AGAP3: variants seen among roughly 807,000 people sequenced by gnomAD.
AGAP3 encodes the protein ArfGAP with GTPase domain, ankyrin repeat and PH domain 3, also known as arf-GAP with GTPase, ANK repeat and PH domain-containing protein 3.
In AGAP3, 24 loss-of-function variants were observed where a neutral mutation model predicts 96.9. The ratio of observed to expected loss-of-function variants is 0.25; its 90% CI spans 0.18 to 0.35. The LOEUF (loss-of-function observed/expected upper bound fraction) is 0.35. Among genes scored for constraint, AGAP3 ranks in the 10% least tolerant of loss-of-function variants. AGAP3 has a pLI of 1.00. For synonymous variants in AGAP3, 563 were observed against 536.1 expected (o/e 1.05, Z -0.69); for missense variants, 876 against 1,254.2 (o/e 0.70, Z 4.55).
chr7:151,142,632 C>T lies in AGAP3; in HGVS notation c.2271C>T (p.Cys757=). 1 of 1,611,730 alleles carries T rather than the reference C, an allele frequency of 6.2e-7. No homozygotes were observed. Among genetic ancestry groups the T allele is most frequent in the Non-Finnish European group, 8.5e-7 (1 of 1,179,808 alleles). Residue 757 remains cysteine, a splice_region_variant and synonymous_variant, in exon 16 of 18, where the codon TGC becomes TGT. Transcript: ENST00000397238. This position sits in a 1 kb window ranked among gnomAD's most constrained non-coding sequence, Gnocchi z 7.5. ...ACTCCAAGCCAGGGCCTGATGCCTG[C>T]AGGTGAGCAGATGGTGCCCTGGAGC... is the stretch of plus-strand genomic sequence containing the variant. ...GGYSKPGPDA[C]REEKERWIRA... is the part of the protein sequence containing the mutation.
Position 151,140,408 on chromosome 7 carries a change from G to A in AGAP3, c.1804+292G>A. The A allele has an allele frequency of 4.4e-6, 1 of 228,986 alleles. No homozygotes were observed. Among genetic ancestry groups the A allele is most frequent in the East Asian group, 9.9e-5 (1 of 10,064 alleles). 14.2% of individuals were successfully genotyped at this position (228,986 alleles called of 1,614,324 possible). A position where few individuals can be genotyped will look rare whatever the true frequency, so the allele number is the denominator to read the frequency against. On this transcript the variant is annotated intron_variant, in intron 13 of 17. Coordinates refer to ENST00000397238, the MANE Select transcript of AGAP3 (RefSeq NM_031946.7). The surrounding 1 kb of genome is among the most constrained non-coding windows in gnomAD (Gnocchi z 5.4). ...TCAATAGCTCCTCTAAGATGTTCGG[G>A]CAGGACCTGTGTTTTCTGTCTCTTG...
At position 151,139,084 on chromosome 7, in the gene AGAP3, C is replaced by T. The variant is rs977015550; in HGVS notation, c.1666+771C>T. Reference sequence around the variant, plus strand: ...AGGGCATGGAGCCAGCTCTCCTCTCCTGTCCCTTGCGCTTTCCATGCCCTT... The same window carrying T: ...AGGGCATGGAGCCAGCTCTCCTCTCTTGTCCCTTGCGCTTTCCATGCCCTT... On this transcript the variant is annotated intron_variant, in intron 12 of 17. Transcript: ENST00000397238. This position sits in a 1 kb window ranked among gnomAD's most constrained non-coding sequence, Gnocchi z 4.9. Among the ~76,000 whole-genome samples the T allele has an allele frequency of 2.0e-5, 3 of 152,366 alleles. No individual in the cohort carries two copies. Among genetic ancestry groups the T allele is most frequent in the Non-Finnish European group, 4.4e-5 (3 of 68,036 alleles).
chr7:151,117,967 TG>T (rs1419359136), intron 5 of AGAP3, 190 bp downstream of exon 5: 2 of 909,750 alleles, frequency 2.2e-6, no homozygotes, highest in Non-Finnish European at 1.6e-6. Context: ...CTGCTGTCCC[TG>T]TGACTAGCAG....
intron 10 of AGAP3, among the ~76,000 whole-genome samples, chr7:151,130,475 C>T (rs1800360118): frequency 6.6e-6 from 1 of 152,176 alleles, no homozygotes. Context: ...AAGAGCACCT[C>T]CCTCTGGGGC....
At chr7:151,125,770 G>A (rs1800132254) in intron 9 of AGAP3, among the ~76,000 whole-genome samples, 2 of 152,236 alleles carry the variant, frequency 1.3e-5, no homozygotes, top group Non-Finnish European at 2.9e-5. Flanking sequence ...TGGGAGTGGA[G>A]ATTGCATTTC....
rs567662088 is a variant in AGAP3, at chr7:151,118,413, G to C, written c.841+69G>C. The C allele has an allele frequency of 4.3e-5, 68 of 1,596,604 alleles. 2 individuals carry two copies. In the South Asian group the frequency reaches 6.7e-4, roughly 16 times the overall value. ...AGTGCTGGCGATAGGAAGGCTCCCA[G>C]TGAGAGCAAGGCTGTGTGTCTGGGG... is the stretch of plus-strand genomic sequence containing the variant. On this transcript the variant is annotated intron_variant, in intron 6 of 17. Transcript: ENST00000397238. The surrounding 1 kb of genome is among the most constrained non-coding windows in gnomAD (Gnocchi z 6.1).
chr7:151,097,517 CAAAA>C (rs67915216), intron 1 of AGAP3, among the ~76,000 whole-genome samples: 2 of 95,670 alleles, frequency 2.1e-5, no homozygotes. Flanking sequence ...GACTCTGTCT[CAAAA>C]AAAAAAAAAA....
In AGAP3 at chr7:151,143,803, G is replaced by A. The variant is rs368589847; in HGVS notation, c.2596G>A (p.Gly866Ser). The change falls in exon 18 of 18, where the codon GGC (glycine) becomes AGC (serine). Residue 866 changes from glycine (G) to serine (S), a missense_variant. By Grantham distance (56) the Gly-to-Ser change is moderately conservative. Coordinates refer to ENST00000397238, the MANE Select transcript of AGAP3 (RefSeq NM_031946.7). This position sits in a 1 kb window ranked among gnomAD's most constrained non-coding sequence, Gnocchi z 5.9. ...TCCACTGGCATATGCTCGCCGGGCCGGCAGCCAGGAGTGTGCAGACATCTT... is the reference window on the plus strand; with the variant it reads ...TCCACTGGCATATGCTCGCCGGGCCAGCAGCCAGGAGTGTGCAGACATCTT... ...LTPLAYARRA[G>S]SQECADILIQ... is the part of the protein sequence containing the mutation. The A allele has an allele frequency of 5.2e-5, 84 of 1,614,002 alleles. No individual in the cohort carries two copies. Among genetic ancestry groups the A allele is most frequent in the Admixed American group, 6.7e-5 (4 of 60,014 alleles).
chr7:151,086,338 G>A (rs1378037965), upstream of AGAP3, among the ~76,000 whole-genome samples: 1 of 143,586 alleles, frequency 7.0e-6, no homozygotes, highest in Non-Finnish European at 1.5e-5. Context: ...AGGGGCGGGG[G>A]CGCCCGGGCC....
rs1798656529 is a variant in AGAP3 at position 151,097,529 on chromosome 7, AAAAAAAG to A, written c.331+10463_331+10469del. Among the ~76,000 whole-genome samples, 7 of 151,796 alleles carry A rather than the reference AAAAAAAG, an allele frequency of 4.6e-5. No homozygotes were observed. In the South Asian group the frequency reaches 1.5e-3, roughly 32 times the overall value. On this transcript the variant is annotated intron_variant, in intron 1 of 17. Transcript: ENST00000397238. The stretch of plus-strand genomic sequence containing the variant: ...TGAGACTCTGTCTCAAAAAAAAAAA[AAAAAAAG>A]AAAAAGAAAAGAGGTTTAATTGGCT...
At chr7:151,098,417 A>T (rs1209205740) in intron 1 of AGAP3, among the ~76,000 whole-genome samples, 1 of 152,126 alleles carries the variant, frequency 6.6e-6, no homozygotes, top group Non-Finnish European at 1.5e-5. Context: ...ACTGGGTGCC[A>T]CTTTGGGAGG....
intron 2 of AGAP3, 94 bp downstream of exon 2, chr7:151,116,945 C>G: frequency 6.4e-7 from 1 of 1,552,940 alleles, no homozygotes; most frequent in East Asian, 2.3e-5. Context: ...GGCTTCTGTC[C>G]CCTTCTCTGC....
chr7:151,140,914 G>A lies in AGAP3; in HGVS notation c.1804+798G>A, dbSNP rs554229808. 2.6e-5 allele frequency: 4 copies of A among 152,350 alleles called. No individual in the cohort carries two copies. Among genetic ancestry groups the A allele is most frequent in the South Asian group, 2.1e-4 (1 of 4,812 alleles). 9.4% of individuals were successfully genotyped at this position (152,350 alleles called of 1,614,324 possible). A position where few individuals can be genotyped will look rare whatever the true frequency, so the allele number is the denominator to read the frequency against. On this transcript the variant is annotated intron_variant, in intron 13 of 17. Coordinates refer to ENST00000397238, the MANE Select transcript of AGAP3 (RefSeq NM_031946.7). The surrounding 1 kb of genome is among the most constrained non-coding windows in gnomAD (Gnocchi z 5.4). ...GGTGGTGCCTGGGGAAGGAGGCGCC[G>A]GTTCTATTTCTGTGGGAAGGCAGTT...
intron 1 of AGAP3, among the ~76,000 whole-genome samples, chr7:151,098,271 A>G (rs1798690419): frequency 6.6e-6 from 1 of 152,194 alleles, no homozygotes; most frequent in Admixed American, 6.5e-5. Flanking sequence ...AGGCAGGAGA[A>G]TTGCTTGAAC....
Position 151,128,672 on chromosome 7 carries a change from C to G in AGAP3, c.1314C>G (p.His438Gln), listed in dbSNP as rs999818995. The G allele has an allele frequency of 6.2e-7, 1 of 1,613,462 alleles. No homozygotes were observed. The highest frequency in any genetic ancestry group is 8.5e-7 in the Non-Finnish European group (1 of 1,179,824). ...GTGACAACGGGCTGCTCACCTATCACCCCAGCCTGCATGTGAGTCTGGGAG... is the reference window on the plus strand; with the variant it reads ...GTGACAACGGGCTGCTCACCTATCAGCCCAGCCTGCATGTGAGTCTGGGAG... ...TLCDNGLLTYHPSLHDYMQNI... is the reference protein window; with the variant it reads ...TLCDNGLLTYQPSLHDYMQNI... Residue 438 changes from histidine (H) to glutamine (Q), a missense_variant, in exon 10 of 18, where the codon CAC (histidine) becomes CAG (glutamine). This residue lies in a region of AGAP3 where 63 missense variants were observed against 114.5 expected (regional missense o/e 0.55). Coordinates refer to ENST00000397238, the MANE Select transcript of AGAP3 (RefSeq NM_031946.7).
chr7:151,101,620 C>T (rs1798837721), intron 1 of AGAP3, among the ~76,000 whole-genome samples: 1 of 152,192 alleles, frequency 6.6e-6, no homozygotes, highest in Non-Finnish European at 1.5e-5. Flanking sequence ...TCCCTGTGCC[C>T]ACCACAGCCA....
intron 1 of AGAP3, among the ~76,000 whole-genome samples, chr7:151,103,306 C>T (rs1563439509): frequency 6.6e-6 from 1 of 152,154 alleles, no homozygotes; most frequent in Non-Finnish European, 1.5e-5. Flanking sequence ...TGTGCTGCCA[C>T]CTTTATGCAC....
intron 1 of AGAP3, among the ~76,000 whole-genome samples, chr7:151,101,917 G>C (rs1047092606): frequency 3.3e-5 from 5 of 152,196 alleles, no homozygotes; most frequent in Admixed American, 6.5e-5. Context: ...AGCCATGCGG[G>C]GGTGAGGGCT....
At chr7:151,130,027 G>T (rs542197759) in intron 10 of AGAP3, among the ~76,000 whole-genome samples, 1 of 152,208 alleles carries the variant, frequency 6.6e-6, no homozygotes, top group African/African-American at 2.4e-5. Flanking sequence ...GGTGTTTCAC[G>T]GCCGACACCA....
Sources: gnomAD v4.1 joint callset for allele counts (sites outside exome capture counted in the v4.1 genomes callset) on GRCh38, gnomAD v4.1.1 for gene constraint, gnomAD v4.1.1 regional missense constraint, Gnocchi (gnomAD v3.1) non-coding constraint, MANE v1.5 for transcripts, NCBI Gene and HGNC (gene_info 2026-07-23, HGNC 2026-07-21) for gene names.